TRIM44: variants seen among roughly 807,000 people sequenced by gnomAD.
The protein encoded by TRIM44 is tripartite motif-containing protein 44.
A neutral mutation model predicts 37.4 loss-of-function variants in TRIM44; 13 were observed. That is an observed-to-expected ratio of 0.35 (90% CI 0.23 to 0.55). TRIM44 has a LOEUF of 0.55. Among genes scored for constraint, TRIM44 ranks in the 20% least tolerant of loss-of-function variants. TRIM44 has a pLI of 0.89. For missense variants in TRIM44, 426 were observed against 437.2 expected (o/e 0.97, Z 0.23); for synonymous variants, 175 against 157.2 (o/e 1.11, Z -0.85).
intron 3 of TRIM44, among the ~76,000 whole-genome samples, chr11:35,729,854 T>TA (rs1033811844): frequency 9.9e-5 from 15 of 152,162 alleles, no homozygotes; most frequent in South Asian, 2.1e-4. Flanking sequence ...AAAGAACCAA[T>TA]AAAAATCTCA....
chr11:35,684,275 A>G (rs1008427443), intron 1 of TRIM44, among the ~76,000 whole-genome samples: 2 of 152,296 alleles, frequency 1.3e-5, no homozygotes, highest in South Asian at 2.1e-4. Context: ...AAAAAATCTC[A>G]TGTTGAAATT....
chr11:35,752,799 T>C lies in TRIM44; in HGVS notation c.1007+17354T>C, dbSNP rs190553822. Among the ~76,000 whole-genome samples, 283 of 152,342 alleles carry C rather than the reference T, an allele frequency of 1.9e-3. 2 individuals carry two copies. Among genetic ancestry groups the C allele is most frequent in the African/African-American group, 6.5e-3 (270 of 41,570 alleles). ...CGTCCCCAGAGTTTCACATGACTCG[T>C]TCTCTCGCTTCATCCAGGTGTCTGC... On this transcript the variant is annotated intron_variant, in intron 4 of 4. Coordinates refer to ENST00000299413, the MANE Select transcript of TRIM44 (RefSeq NM_017583.6).
intron 4 of TRIM44, among the ~76,000 whole-genome samples, chr11:35,749,000 A>G (rs1013556809): frequency 3.3e-5 from 5 of 152,244 alleles, no homozygotes; most frequent in African/African-American, 1.2e-4. Context: ...CATAATATAC[A>G]GCAAGACTTC....
chr11:35,719,798 CA>C (rs1361817298), intron 2 of TRIM44, among the ~76,000 whole-genome samples: 2 of 152,210 alleles, frequency 1.3e-5, no homozygotes, highest in East Asian at 3.9e-4. Flanking sequence ...ACCATTTGTT[CA>C]CAACTATCTT....
intron 1 of TRIM44, among the ~76,000 whole-genome samples, chr11:35,676,040 G>T (rs1851456297): frequency 6.6e-6 from 1 of 152,144 alleles, no homozygotes; most frequent in Non-Finnish European, 1.5e-5. Flanking sequence ...CTTTGACCCA[G>T]TTGGCTTTGC....
chr11:35,673,571 A>G lies in TRIM44; in HGVS notation c.669+9791A>G, dbSNP rs74658681. On this transcript the variant is annotated intron_variant, in intron 1 of 4. Coordinates refer to ENST00000299413, the MANE Select transcript of TRIM44 (RefSeq NM_017583.6). ...ATTGATGGTGATGGAGCTTCATTAA[A>G]GAACTAGAGTGCTTAGCCAGTGGTC... 1.3e-4 allele frequency among the ~76,000 whole-genome samples: 20 copies of G among 152,350 alleles called. 1 individual carries two copies. The East Asian group carries it at 3.9e-3, about 29-fold the overall frequency.
chr11:35,732,649 A>G (rs2135519329), intron 3 of TRIM44, among the ~76,000 whole-genome samples: 1 of 152,146 alleles, frequency 6.6e-6, no homozygotes, highest in East Asian at 1.9e-4. Context: ...CAAACCCTAC[A>G]AATGTGGGAG....
chr11:35,762,143 A>G (rs1852738865), intron 4 of TRIM44, among the ~76,000 whole-genome samples: 1 of 152,206 alleles, frequency 6.6e-6, no homozygotes, highest in Admixed American at 6.5e-5. Flanking sequence ...CTCTCTGGAA[A>G]AGCAGGGTGT....
At chr11:35,701,258 T>G (rs1428557669) in intron 2 of TRIM44, among the ~76,000 whole-genome samples, 5 of 152,210 alleles carry the variant, frequency 3.3e-5, no homozygotes, top group Non-Finnish European at 7.3e-5. Context: ...AAAACAGGTC[T>G]GTTTTTTTTC....
chr11:35,799,969 T>C (rs1181053659), intron 4 of TRIM44, among the ~76,000 whole-genome samples: 1 of 152,242 alleles, frequency 6.6e-6, no homozygotes, highest in Non-Finnish European at 1.5e-5. Context: ...ATGGGACTTT[T>C]GCTCATGGCA....
chr11:35,732,627 A>G (rs980756603), intron 3 of TRIM44, among the ~76,000 whole-genome samples: 1 of 152,182 alleles, frequency 6.6e-6, no homozygotes, highest in Non-Finnish European at 1.5e-5. Flanking sequence ...TCTAAGTACT[A>G]GTGTAGAGTG....
At chr11:35,771,238 T>C (rs1313195820) in intron 4 of TRIM44, among the ~76,000 whole-genome samples, 1 of 152,154 alleles carries the variant, frequency 6.6e-6, no homozygotes, top group African/African-American at 2.4e-5. Context: ...TGGTCTCATA[T>C]GGAGATGAGG....
chr11:35,723,425 G>T (rs1422698644), intron 2 of TRIM44, among the ~76,000 whole-genome samples: 1 of 152,162 alleles, frequency 6.6e-6, no homozygotes, highest in Non-Finnish European at 1.5e-5. Context: ...CAGCTTGATT[G>T]TAACTAACAT....
At chr11:35,771,850 C>T (rs1328392607) in intron 4 of TRIM44, among the ~76,000 whole-genome samples, 1 of 152,164 alleles carries the variant, frequency 6.6e-6, no homozygotes, top group Non-Finnish European at 1.5e-5. Context: ...AAATTCAAGC[C>T]GTCTGCATAA....
intron 2 of TRIM44, among the ~76,000 whole-genome samples, chr11:35,702,281 C>T (rs1851798168): frequency 1.3e-5 from 2 of 152,304 alleles, no homozygotes; most frequent in Admixed American, 1.3e-4. Context: ...CATTCAGAAT[C>T]ACTCGCCCAC....
chr11:35,671,423 C>A (rs1351885667), intron 1 of TRIM44, among the ~76,000 whole-genome samples: 1 of 152,168 alleles, frequency 6.6e-6, no homozygotes, highest in African/African-American at 2.4e-5. Context: ...GAGACTTTAA[C>A]AATGCTTAAC....
chr11:35,755,174 C>T (rs911904663), intron 4 of TRIM44, among the ~76,000 whole-genome samples: 13 of 152,272 alleles, frequency 8.5e-5, no homozygotes, highest in African/African-American at 3.1e-4. Flanking sequence ...CTGTTGTTTC[C>T]TGACTTTTTA....
At chr11:35,670,700 A>G (rs115409159) in intron 1 of TRIM44, among the ~76,000 whole-genome samples, 1,970 of 152,114 alleles carry the variant, frequency 0.013, 48 homozygotes, top group African/African-American at 0.045. Flanking sequence ...TTAGAGATCT[A>G]TTTCTCTGGA....
intron 4 of TRIM44, among the ~76,000 whole-genome samples, chr11:35,773,713 C>T (rs59137621): frequency 0.011 from 1,659 of 152,172 alleles, 33 homozygotes; most frequent in African/African-American, 0.038. Flanking sequence ...TGAGTGAGAA[C>T]GTGCGGTGTT....
Sources: allele counts gnomAD v4.1 joint callset (sites outside exome capture counted in the v4.1 genomes callset), GRCh38; gene constraint gnomAD v4.1.1; transcripts MANE v1.5; gene names NCBI Gene and HGNC (gene_info 2026-07-23, HGNC 2026-07-21).